The following FPR3 variants were observed in gnomAD, a reference collection of about 807,000 sequenced individuals.
The protein encoded by FPR3 is formyl peptide receptor 3.
For synonymous variants in FPR3, 135 were observed against 163.6 expected (o/e 0.83, Z 1.34); for missense variants, 346 against 443.2 (o/e 0.78, Z 1.97).
intron 1 of FPR3, among the ~76,000 whole-genome samples, chr19:51,820,161 G>A (rs1286771480): frequency 6.6e-6 from 1 of 152,208 alleles, no homozygotes; most frequent in African/African-American, 2.4e-5. Context: ...AAGCAGAAGG[G>A]CTGAATGTTA....
chr19:51,821,636 C>A (rs1290100773), intron 1 of FPR3, among the ~76,000 whole-genome samples: 2 of 152,148 alleles, frequency 1.3e-5, no homozygotes, highest in Non-Finnish European at 2.9e-5. Context: ...AACCATGATA[C>A]TAGGGTATGA....
chr19:51,815,123 TAGTG>T (rs2084125812), intron 1 of FPR3, among the ~76,000 whole-genome samples: 1 of 152,090 alleles, frequency 6.6e-6, no homozygotes, highest in African/African-American at 2.4e-5. Flanking sequence ...CATTTTATGT[TAGTG>T]AGGTTATTTA....
rs1203691273 is a variant in FPR3 at position 51,824,796 on chromosome 19, T to TTAAAC, written c.1050_1051insAACTA (p.Gln351AsnfsTer70). The TTAAAC allele has an allele frequency of 6.2e-7, 1 of 1,609,700 alleles. No homozygotes were observed. Among genetic ancestry groups the TTAAAC allele is most frequent in the African/African-American group, 1.3e-5 (1 of 74,662 alleles). On this transcript the variant is annotated frameshift_variant, in exon 2 of 2. Coordinates refer to ENST00000339223, the MANE Select transcript of FPR3 (RefSeq NM_002030.5). LOFTEE classifies it high-confidence loss of function. The surrounding 1 kb of genome is among the most constrained non-coding windows in gnomAD (Gnocchi z 4.7). Reference sequence around the variant, plus strand: ...TGCTTCACCTCCTGAGGAGACGGAGTTACAAGCAATGTGAGGTCGGGGATA... The same window carrying TTAAAC: ...TGCTTCACCTCCTGAGGAGACGGAGTTAAACTACAAGCAATGTGAGGTCGGGGATA...
intron 1 of FPR3, among the ~76,000 whole-genome samples, chr19:51,816,292 G>A (rs1320040402): frequency 6.6e-6 from 1 of 152,116 alleles, no homozygotes; most frequent in Non-Finnish European, 1.5e-5. Context: ...TATTGCCCAG[G>A]CTTGGAGTAC....
At chr19:51,816,585 C>A (rs1050387808) in intron 1 of FPR3, among the ~76,000 whole-genome samples, 1 of 152,156 alleles carries the variant, frequency 6.6e-6, no homozygotes, top group Non-Finnish European at 1.5e-5. Context: ...TAAATGAAAG[C>A]AAAGTGATTT....
intron 1 of FPR3, among the ~76,000 whole-genome samples, chr19:51,800,995 C>T (rs529172986): frequency 5.9e-5 from 9 of 152,160 alleles, no homozygotes; most frequent in African/African-American, 1.7e-4. Context: ...CCAGTGGCAC[C>T]GGGCCCTTTT....
chr19:51,796,978 A>G (rs1354417081), intron 1 of FPR3, among the ~76,000 whole-genome samples: 1 of 152,222 alleles, frequency 6.6e-6, no homozygotes, highest in Non-Finnish European at 1.5e-5. Context: ...TCAAATTTAG[A>G]ATAGAAAACA....
At chr19:51,821,256 C>CCAA (rs1212131432) in intron 1 of FPR3, among the ~76,000 whole-genome samples, 1 of 152,158 alleles carries the variant, frequency 6.6e-6, no homozygotes, top group Non-Finnish European at 1.5e-5. Context: ...TGGCAAGGTG[C>CCAA]CAACGATAAG....
At chr19:51,812,373 T>C (rs1437344712) in intron 1 of FPR3, among the ~76,000 whole-genome samples, 1 of 152,154 alleles carries the variant, frequency 6.6e-6, no homozygotes, top group Admixed American at 6.5e-5. Flanking sequence ...ATAAAAAATA[T>C]CACAAAGAAT....
chr19:51,816,080 A>C (rs66634805), intron 1 of FPR3, among the ~76,000 whole-genome samples: 66,838 of 149,594 alleles, frequency 0.45, 15,065 homozygotes, highest in South Asian at 0.52. Flanking sequence ...AAAAAAAAAA[A>C]CCCTTGAGAA....
chr19:51,804,414 AT>A (rs2084044406), intron 1 of FPR3, among the ~76,000 whole-genome samples: 1 of 152,234 alleles, frequency 6.6e-6, no homozygotes, highest in African/African-American at 2.4e-5. Flanking sequence ...TGTATATAAT[AT>A]TTTAATGTAA....
chr19:51,813,119 AACACACACACACACACACACACACACAC>A (rs35245083), intron 1 of FPR3, among the ~76,000 whole-genome samples: 1 of 137,122 alleles, frequency 7.3e-6, no homozygotes, highest in Non-Finnish European at 1.6e-5. Flanking sequence ...GCTCTGTCTC[AACACACACACACACACACACACACACAC>A]ACACACACAC....
At chr19:51,809,930 A>C (rs2084085234) in intron 1 of FPR3, among the ~76,000 whole-genome samples, 1 of 151,916 alleles carries the variant, frequency 6.6e-6, no homozygotes, top group South Asian at 2.1e-4. Context: ...CCCCCATCTC[A>C]TTTCCCAGCA....
intron 1 of FPR3, among the ~76,000 whole-genome samples, chr19:51,807,335 C>T (rs1035222583): frequency 6.6e-6 from 1 of 152,198 alleles, no homozygotes; most frequent in African/African-American, 2.4e-5. Flanking sequence ...TTCAAGGAGC[C>T]AGGGAGTGAG....
At chr19:51,799,333 C>T (rs1346863829) in intron 1 of FPR3, among the ~76,000 whole-genome samples, 1 of 152,138 alleles carries the variant, frequency 6.6e-6, no homozygotes, top group Non-Finnish European at 1.5e-5. Flanking sequence ...TGAGGCTGCC[C>T]GAAAGCGACC....
At chr19:51,807,331 G>A (rs970651222) in intron 1 of FPR3, among the ~76,000 whole-genome samples, 5 of 152,176 alleles carry the variant, frequency 3.3e-5, no homozygotes, top group Non-Finnish European at 5.9e-5. Context: ...TAACTTCAAG[G>A]AGCCAGGGAG....
intron 1 of FPR3, among the ~76,000 whole-genome samples, chr19:51,813,867 T>C (rs1012678236): frequency 2.0e-5 from 3 of 152,122 alleles, no homozygotes; most frequent in African/African-American, 7.2e-5. Flanking sequence ...GAGACAGGCA[T>C]GTGAATGAAG....
chr19:51,809,655 C>T (rs1313076018), intron 1 of FPR3, among the ~76,000 whole-genome samples: 1 of 152,216 alleles, frequency 6.6e-6, no homozygotes, highest in African/African-American at 2.4e-5. Flanking sequence ...TCTGGGACTA[C>T]AGTAATGCCC....
At chr19:51,803,010 A>G (rs2084034330) in intron 1 of FPR3, among the ~76,000 whole-genome samples, 1 of 152,162 alleles carries the variant, frequency 6.6e-6, no homozygotes, top group African/African-American at 2.4e-5. Context: ...TGTGTAAAAT[A>G]GTGTCTGACA....
Sources: gnomAD v4.1 joint callset for allele counts (sites outside exome capture counted in the v4.1 genomes callset) on GRCh38, gnomAD v4.1.1 for gene constraint, Gnocchi (gnomAD v3.1) non-coding constraint, MANE v1.5 for transcripts, NCBI Gene and HGNC (gene_info 2026-07-23, HGNC 2026-07-21) for gene names.